Variants in FRAS1 observed in about 807,000 individuals in gnomAD.
The protein encoded by FRAS1 is extracellular matrix organizing protein FRAS1.
In FRAS1, 290 loss-of-function variants were observed where a neutral mutation model predicts 435.2. The ratio of observed to expected loss-of-function variants is 0.67; its 90% confidence interval spans 0.61 to 0.73. FRAS1 has a LOEUF of 0.73. FRAS1 is among the 30% of genes least tolerant of loss of function. The probability of loss-of-function intolerance (pLI) is 0.00; values close to 1 mark genes in which losing one functional copy is unlikely to be tolerated. For synonymous variants in FRAS1, 1,800 were observed against 1,851.0 expected (o/e 0.97, Z 0.71); for missense variants, 4,860 against 5,001.5 (o/e 0.97, Z 0.85).
intron 14 of FRAS1, among the ~76,000 whole-genome samples, chr4:78,290,697 G>A (rs752932684): frequency 1.3e-5 from 2 of 151,716 alleles, no homozygotes; most frequent in African/African-American, 4.8e-5. Flanking sequence ...TGATCTGCCC[G>A]CCTTGGCCTC....
At position 78,281,397 on chromosome 4, in the gene FRAS1, G is replaced by C. The variant is rs1727323495; in HGVS notation, c.1072-1G>C. ...ATAAAGACATTTCTCTTTGTTCCTA[G>C]ATGTCATCAAATGCTAGTGAAGTTA... On this transcript the variant is annotated splice_acceptor_variant, in intron 10 of 73. Coordinates refer to ENST00000512123, the MANE Select transcript of FRAS1 (RefSeq NM_025074.7). LOFTEE classifies it high-confidence loss of function. The C allele has an allele frequency of 6.4e-7, 1 of 1,571,098 alleles. No individual in the cohort carries two copies. The highest frequency in any genetic ancestry group is 1.4e-5 in the African/African-American group (1 of 73,166).
intron 61 of FRAS1, among the ~76,000 whole-genome samples, chr4:78,502,804 G>A (rs1364839695): frequency 1.3e-5 from 2 of 152,148 alleles, no homozygotes; most frequent in Non-Finnish European, 2.9e-5. Context: ...GTTTTCAAAG[G>A]GAATGCTTCC....
intron 2 of FRAS1, among the ~76,000 whole-genome samples, chr4:78,154,548 T>A (rs748540703): frequency 5.3e-5 from 8 of 152,214 alleles, no homozygotes; most frequent in Non-Finnish European, 8.8e-5. Context: ...CACTGTACTC[T>A]CTTTACACCT....
intron 32 of FRAS1, among the ~76,000 whole-genome samples, chr4:78,414,612 A>G (rs957251634): frequency 1.3e-5 from 2 of 152,248 alleles, no homozygotes; most frequent in Non-Finnish European, 2.9e-5. Context: ...ATCTAATAAC[A>G]TAAGTTTTGC....
intron 14 of FRAS1, among the ~76,000 whole-genome samples, chr4:78,301,853 T>G (rs1014714486): frequency 2.0e-5 from 3 of 149,096 alleles, no homozygotes; most frequent in Non-Finnish European, 3.0e-5. Flanking sequence ...ACAGTTTTTT[T>G]TTTTTTTTTT....
intron 2 of FRAS1, among the ~76,000 whole-genome samples, chr4:78,169,816 T>C (rs1443162978): frequency 6.6e-6 from 1 of 152,106 alleles, no homozygotes; most frequent in Non-Finnish European, 1.5e-5. Flanking sequence ...GACAGTGTAA[T>C]GCAGTGGAAA....
At chr4:78,203,596 C>G (rs1289313523) in intron 2 of FRAS1, among the ~76,000 whole-genome samples, 1 of 151,786 alleles carries the variant, frequency 6.6e-6, no homozygotes, top group Non-Finnish European at 1.5e-5. Context: ...GATGGAGTTT[C>G]GTTCTTTTTA....
chr4:78,096,733 C>T lies in FRAS1; in HGVS notation c.108+30717C>T, dbSNP rs114282798. Among the ~76,000 whole-genome samples the T allele has an allele frequency of 6.6e-3, 1,009 of 152,324 alleles. 15 individuals are homozygous for T. Among genetic ancestry groups the T allele is most frequent in the African/African-American group, 0.023 (955 of 41,556 alleles). On this transcript the variant is annotated intron_variant, in intron 2 of 73. Transcript: ENST00000512123. ...GGCAGGGCACCAAATCCCTACACTC[C>T]ACACAGCAAGTGGACCCTGGGCCTG... is the stretch of plus-strand genomic sequence containing the variant.
chr4:78,533,054 TC>T (rs1721769951), intron 70 of FRAS1, among the ~76,000 whole-genome samples: 1 of 152,146 alleles, frequency 6.6e-6, no homozygotes, highest in Non-Finnish European at 1.5e-5. Flanking sequence ...TTGAGGATGA[TC>T]CATACTGTTT....
chr4:78,424,499 A>G (rs1733924220), intron 35 of FRAS1, 79 bp downstream of exon 35: 2 of 601,894 alleles, frequency 3.3e-6, no homozygotes, highest in South Asian at 6.3e-5. Context: ...TCCCATCATC[A>G]TTATTTTTAG....
intron 2 of FRAS1, among the ~76,000 whole-genome samples, chr4:78,145,906 T>C (rs1217014938): frequency 6.6e-6 from 1 of 152,168 alleles, no homozygotes; most frequent in African/African-American, 2.4e-5. Flanking sequence ...ATCTGGCTTT[T>C]CCCCTGCTGG....
At chr4:78,292,014 C>A (rs1180181620) in intron 14 of FRAS1, among the ~76,000 whole-genome samples, 2 of 152,152 alleles carry the variant, frequency 1.3e-5, no homozygotes, top group African/African-American at 4.8e-5. Context: ...TACTTTAAAC[C>A]ATTATTATGA....
At chr4:78,535,646 A>G (rs1214482651) in intron 71 of FRAS1, among the ~76,000 whole-genome samples, 4 of 152,148 alleles carry the variant, frequency 2.6e-5, no homozygotes, top group Middle Eastern at 3.2e-3. Context: ...TCTTGAGTTC[A>G]TCCTCTTGCC....
At chr4:78,332,094 C>A (rs773167980) in intron 18 of FRAS1, among the ~76,000 whole-genome samples, 4 of 152,114 alleles carry the variant, frequency 2.6e-5, no homozygotes, top group African/African-American at 7.2e-5. Context: ...ATAATTACAG[C>A]GGTCTGTGAG....
At chr4:78,392,122 C>T (rs1732469703) in intron 29 of FRAS1, among the ~76,000 whole-genome samples, 1 of 152,078 alleles carries the variant, frequency 6.6e-6, no homozygotes, top group African/African-American at 2.4e-5. Flanking sequence ...TGAAAGCAAG[C>T]TTCTGGGGCT....
chr4:78,263,027 A>AGTG lies in FRAS1; in HGVS notation c.604-1997_604-1996insTGG, dbSNP rs1243889926. Among the ~76,000 whole-genome samples, 5 of 152,366 alleles carry AGTG rather than the reference A, an allele frequency of 3.3e-5. No homozygotes were observed. In the East Asian group the frequency reaches 5.8e-4, roughly 18 times the overall value. On this transcript the variant is annotated intron_variant, in intron 6 of 73. Coordinates refer to ENST00000512123, the MANE Select transcript of FRAS1 (RefSeq NM_025074.7). ...CAAAAACAGGCAGTGGGCTGGATTT[A>AGTG]GCCCACAGACCATTGTTTGTTGGCC...
chr4:78,137,585 A>G (rs546322522), intron 2 of FRAS1, among the ~76,000 whole-genome samples: 2 of 152,352 alleles, frequency 1.3e-5, no homozygotes, highest in Admixed American at 6.5e-5. Flanking sequence ...GGGAAGGTTC[A>G]AGTACTGTCT....
chr4:78,261,404 G>C (rs192026571), intron 6 of FRAS1, among the ~76,000 whole-genome samples: 2 of 152,158 alleles, frequency 1.3e-5, no homozygotes, highest in Non-Finnish European at 2.9e-5. Context: ...TCTTTGATGG[G>C]ATTCTGGACA....
intron 3 of FRAS1, among the ~76,000 whole-genome samples, chr4:78,239,193 C>A (rs572240993): frequency 6.6e-6 from 1 of 152,108 alleles, no homozygotes; most frequent in Non-Finnish European, 1.5e-5. Context: ...TTCATCTCTT[C>A]CTAATTTGCT....
Sources: allele counts gnomAD v4.1 joint callset (sites outside exome capture counted in the v4.1 genomes callset), GRCh38; gene constraint gnomAD v4.1.1; transcripts MANE v1.5; gene names NCBI Gene and HGNC (gene_info 2026-07-23, HGNC 2026-07-21).